HELLS: variants seen among roughly 807,000 people sequenced by gnomAD.
The protein encoded by HELLS is lymphoid-specific helicase.
In HELLS, 32 loss-of-function variants were observed where a neutral mutation model predicts 120.0. The observed-to-expected ratio is 0.27, with a 90% CI of 0.20 to 0.36. HELLS has a LOEUF of 0.36. Among genes scored for constraint, HELLS ranks in the 10% least tolerant of loss-of-function variants. HELLS has a pLI of 1.00. For synonymous variants in HELLS, 341 were observed against 323.4 expected, an observed-to-expected ratio of 1.05 and a Z score of -0.58; for missense variants, 650 against 993.4, an observed-to-expected ratio of 0.65 and a Z score of 4.65.
chr10:94,566,887 C>T (rs553131081), intron 6 of HELLS, among the ~76,000 whole-genome samples: 2 of 151,970 alleles, frequency 1.3e-5, no homozygotes, highest in Admixed American at 6.6e-5. Context: ...ACTCCTGACC[C>T]GAAGTGATCT....
In HELLS at chr10:94,558,172, A is replaced by G; in HGVS notation, c.310A>G (p.Lys104Glu). 6.4e-7 allele frequency: 1 copy of G among 1,569,440 alleles called. No homozygotes were observed. ...GAAGAAAGAAAAATTGGAGAGAAAAAAGGAGTCTTTAAAAGTTAAAAAGGT... is the reference window on the plus strand; with the variant it reads ...GAAGAAAGAAAAATTGGAGAGAAAAGAGGAGTCTTTAAAAGTTAAAAAGGT... ...QKKKEKLERK[K>E]ESLKVKKGKN... The change falls in exon 4 of 22, where the codon AAG becomes GAG. Residue 104 changes from lysine (K) to glutamate (E), a missense_variant. Around this residue, in one of 9 missense-constraint regions of HELLS, gnomAD observed 113 missense variants for 120.7 expected, o/e 0.94. Coordinates refer to ENST00000348459, the MANE Select transcript of HELLS (RefSeq NM_018063.5).
intron 6 of HELLS, among the ~76,000 whole-genome samples, chr10:94,563,888 G>A (rs551456886): frequency 6.7e-6 from 1 of 148,490 alleles, no homozygotes; most frequent in African/African-American, 2.5e-5. Context: ...TAGGCTTACC[G>A]CATCCTCCGC....
chr10:94,565,516 C>G (rs1289316068), intron 6 of HELLS, among the ~76,000 whole-genome samples: 3 of 152,044 alleles, frequency 2.0e-5, no homozygotes, highest in African/African-American at 7.3e-5. Context: ...ATGGAGAAAC[C>G]CCATCTCTAC....
Position 94,588,254 on chromosome 10 carries a change from G to T in HELLS, c.1352G>T (p.Arg451Ile). The T allele has an allele frequency of 6.2e-7, 1 of 1,603,340 alleles. No homozygotes were observed. The highest frequency in any genetic ancestry group is 1.1e-5 in the South Asian group (1 of 89,360). Residue 451 changes from arginine (R) to isoleucine (I), a missense_variant, in exon 13 of 22, where the codon AGA becomes ATA. By Grantham distance (97) the Arg-to-Ile change is moderately conservative (BLOSUM62 -3). Around this residue, in one of 9 missense-constraint regions of HELLS, gnomAD observed 48 missense variants for 127.0 expected, o/e 0.38. Transcript: ENST00000348459. ...HQILTPFLLR[R>I]LKSDVALEVP... ...ATTTTAACACCTTTCTTATTGAGAAGACTGAAGTCTGATGTTGCTCTTGAA... is the reference window on the plus strand; with the variant it reads ...ATTTTAACACCTTTCTTATTGAGAATACTGAAGTCTGATGTTGCTCTTGAA...
chr10:94,607,976 C>G, exon 9 of HELLS: 1 of 404,564 alleles, frequency 2.5e-6, no homozygotes, highest in Admixed American at 2.7e-5. Context: ...CTGCCCACCT[C>G]GGCCTCCCAA....
chr10:94,571,635 A>G (rs1423601312), intron 7 of HELLS, among the ~76,000 whole-genome samples: 1 of 151,966 alleles, frequency 6.6e-6, no homozygotes, highest in Admixed American at 6.6e-5. Context: ...TTATTGCATG[A>G]TTCTTGATGT....
chr10:94,568,653 G>T (rs1324472721), intron 6 of HELLS, among the ~76,000 whole-genome samples: 1 of 152,014 alleles, frequency 6.6e-6, no homozygotes, highest in Non-Finnish European at 1.5e-5. Context: ...ACTTTTTATG[G>T]TTTCACAAGG....
At chr10:94,595,332 T>A (rs1845689239) in intron 19 of HELLS, among the ~76,000 whole-genome samples, 2 of 152,134 alleles carry the variant, frequency 1.3e-5, no homozygotes, top group Admixed American at 1.3e-4. Flanking sequence ...AGAAAGAATG[T>A]TAGCGAGTAT....
rs746750149 is a variant in HELLS at position 94,562,798 on chromosome 10, A to AT, written c.371-5dup. 9.9e-5 allele frequency: 152 copies of AT among 1,529,050 alleles called. 1 individual carries two copies. Among genetic ancestry groups the AT allele is most frequent in the Admixed American group, 2.5e-4 (13 of 53,018 alleles). 94.7% of individuals were successfully genotyped at this position (1,529,050 alleles called of 1,614,324 possible). A position where few individuals can be genotyped will look rare whatever the true frequency, so the allele number is the denominator to read the frequency against. ...TATTTTAATTGCTATCAAAAATAAAATTTTTTTTTATAGTTATGAGGAAAA... is the reference window on the plus strand; with the variant it reads ...TATTTTAATTGCTATCAAAAATAAAATTTTTTTTTTATAGTTATGAGGAAAA... On this transcript the variant is annotated splice_polypyrimidine_tract_variant and intron_variant, in intron 5 of 21. Coordinates refer to ENST00000348459, the MANE Select transcript of HELLS (RefSeq NM_018063.5).
At chr10:94,609,440 C>A (rs1846166242) in intron 9 of HELLS, among the ~76,000 whole-genome samples, 1 of 152,156 alleles carries the variant, frequency 6.6e-6, no homozygotes, top group South Asian at 2.1e-4. Flanking sequence ...TGGATTAATT[C>A]TGCATAGCAA....
intron 11 of HELLS, 74 bp downstream of exon 11, chr10:94,581,596 G>A (rs1313640750): frequency 1.8e-6 from 2 of 1,097,776 alleles, no homozygotes; most frequent in Non-Finnish European, 2.6e-6. Context: ...TCTTTTCAGT[G>A]ACTGAATTAA....
chr10:94,559,213 A>T (rs1458183008), intron 4 of HELLS, among the ~76,000 whole-genome samples: 1 of 152,132 alleles, frequency 6.6e-6, no homozygotes, highest in Non-Finnish European at 1.5e-5. Flanking sequence ...TCAAGCATAT[A>T]TCCTTTTCAT....
chr10:94,565,336 A>G, intron 6 of HELLS, among the ~76,000 whole-genome samples: 1 of 151,882 alleles, frequency 6.6e-6, no homozygotes, highest in Non-Finnish European at 1.5e-5. Context: ...CTCTGTCTCA[A>G]AAAAAACAAA....
rs536923116 is a variant in HELLS at position 94,568,137 on chromosome 10, T to C, written c.436-3251T>C. On this transcript the variant is annotated intron_variant, in intron 6 of 21. Coordinates refer to ENST00000348459, the MANE Select transcript of HELLS (RefSeq NM_018063.5). ...TTTGGCCTGGATGGTCTAGATCTCTTGACCTTGTGATCCATCTGCCTTGGC... is the reference window on the plus strand; with the variant it reads ...TTTGGCCTGGATGGTCTAGATCTCTCGACCTTGTGATCCATCTGCCTTGGC... 3.3e-5 allele frequency among the ~76,000 whole-genome samples: 5 copies of C among 151,824 alleles called. No individual in the cohort carries two copies. In the South Asian group the frequency reaches 8.3e-4, roughly 25 times the overall value.
At chr10:94,609,874 G>A (rs565356627) in exon 10 of HELLS, 11 of 152,224 alleles carry the variant, frequency 7.2e-5, no homozygotes, top group African/African-American at 4.8e-5. Context: ...AAGAGAAGCC[G>A]TACTGGAATA....
chr10:94,548,698 A>G (rs760477922), intron 2 of HELLS, among the ~76,000 whole-genome samples: 2 of 152,106 alleles, frequency 1.3e-5, no homozygotes, highest in Non-Finnish European at 2.9e-5. Context: ...AAAAAAGTAT[A>G]TGGCTGTTTT....
chr10:94,583,584 C>T (rs750323312), intron 12 of HELLS, among the ~76,000 whole-genome samples: 1 of 151,990 alleles, frequency 6.6e-6, no homozygotes, highest in African/African-American at 2.4e-5. Context: ...ATGAGAAAAA[C>T]GTGAAGCAGG....
intron 21 of HELLS, among the ~76,000 whole-genome samples, chr10:94,600,939 A>T (rs1482386389): frequency 6.6e-6 from 1 of 152,188 alleles, no homozygotes; most frequent in Admixed American, 6.5e-5. Flanking sequence ...GCAAGTAAAT[A>T]AAAGTTGATA....
At chr10:94,559,784 G>T (rs1843460357) in intron 4 of HELLS, among the ~76,000 whole-genome samples, 1 of 152,012 alleles carries the variant, frequency 6.6e-6, no homozygotes, top group Non-Finnish European at 1.5e-5. Flanking sequence ...TATTAAATAA[G>T]ATATCTTTAA....
Sources: gnomAD v4.1 joint callset for allele counts (sites outside exome capture counted in the v4.1 genomes callset) on GRCh38, gnomAD v4.1.1 for gene constraint, gnomAD v4.1.1 regional missense constraint, MANE v1.5 for transcripts, NCBI Gene and HGNC (gene_info 2026-07-23, HGNC 2026-07-21) for gene names.